The following FSTL4 variants were observed in gnomAD, a reference collection of about 807,000 sequenced individuals.
FSTL4 encodes follistatin-related protein 4.
Under a neutral mutation model 78.2 loss-of-function variants are expected in FSTL4, and 28 were observed. The ratio of observed to expected loss-of-function variants is 0.36; its 90% CI spans 0.27 to 0.49. The LOEUF (loss-of-function observed/expected upper bound fraction) is 0.49, where lower values mean the gene tolerates loss of function less well. Among genes scored for constraint, FSTL4 ranks in the 20% least tolerant of loss-of-function variants. The pLI, the probability that FSTL4 is intolerant of heterozygous loss-of-function variation, is 0.98. For missense variants in FSTL4, 922 were observed against 1,084.9 expected (o/e 0.85, Z 2.11); for synonymous variants, 422 against 440.5 (o/e 0.96, Z 0.53).
chr5:133,746,785 A>G, the FSTL4 span, among the ~76,000 whole-genome samples: 1 of 152,236 alleles, frequency 6.6e-6, no homozygotes, highest in African/African-American at 2.4e-5. Context: ...CTAATTGTCT[A>G]AATGTTTTTG....
the FSTL4 span, among the ~76,000 whole-genome samples, chr5:133,698,258 G>C: frequency 6.6e-6 from 1 of 152,266 alleles, no homozygotes; most frequent in African/African-American, 2.4e-5. Context: ...CAGAAGCCAG[G>C]GGCTGCCAGA....
the FSTL4 span, among the ~76,000 whole-genome samples, chr5:133,803,928 T>C: frequency 6.6e-6 from 1 of 152,270 alleles, no homozygotes; most frequent in South Asian, 2.1e-4. Flanking sequence ...GATTTTCAGG[T>C]GGAAGCTATG....
At chr5:133,211,380 T>A (rs1312969269) in intron 13 of FSTL4, among the ~76,000 whole-genome samples, 1 of 152,194 alleles carries the variant, frequency 6.6e-6, no homozygotes, top group Non-Finnish European at 1.5e-5. Flanking sequence ...GTTTGGTGCC[T>A]TCAATCCACA....
At chr5:133,218,594 C>T (rs1048697931) in intron 12 of FSTL4, among the ~76,000 whole-genome samples, 3 of 152,198 alleles carry the variant, frequency 2.0e-5, no homozygotes, top group Admixed American at 2.0e-4. Context: ...ATGCCATGGG[C>T]GTGCTCAGCA....
chr5:133,331,490 G>A (rs568728042), intron 4 of FSTL4, among the ~76,000 whole-genome samples: 10 of 152,244 alleles, frequency 6.6e-5, no homozygotes, highest in African/African-American at 2.2e-4. Flanking sequence ...ATTCACCTGC[G>A]GAAGGGGCTC....
chr5:133,211,510 T>C (rs1750713506), intron 13 of FSTL4, among the ~76,000 whole-genome samples: 1 of 152,194 alleles, frequency 6.6e-6, no homozygotes, highest in Non-Finnish European at 1.5e-5. Context: ...TATTCTAGTA[T>C]TCTAGTCTCT....
At chr5:133,428,448 C>A (rs1366014473) in intron 3 of FSTL4, among the ~76,000 whole-genome samples, 1 of 152,142 alleles carries the variant, frequency 6.6e-6, no homozygotes. Context: ...GTGGAGGGTA[C>A]CCTGTCCAGA....
chr5:133,493,159 A>G (rs1758304053), intron 3 of FSTL4, among the ~76,000 whole-genome samples: 1 of 152,032 alleles, frequency 6.6e-6, no homozygotes, highest in Admixed American at 6.5e-5. Flanking sequence ...ATTGTGTTTT[A>G]TTACGTGAAG....
intron 13 of FSTL4, among the ~76,000 whole-genome samples, 171 bp from the exon 14 acceptor site, chr5:133,210,469 C>CATTATT (rs72224529): frequency 0.018 from 2,600 of 145,476 alleles, 25 homozygotes; most frequent in Non-Finnish European, 0.028. Flanking sequence ...TTCTCAGAGG[C>CATTATT]ATTATTATTA....
chr5:133,214,191 A>G (rs1267086114), intron 13 of FSTL4, among the ~76,000 whole-genome samples: 1 of 152,258 alleles, frequency 6.6e-6, no homozygotes, highest in East Asian at 1.9e-4. Flanking sequence ...ATTGACACAT[A>G]TATAGAATAC....
chr5:133,704,706 C>T, the FSTL4 span, among the ~76,000 whole-genome samples: 1 of 152,204 alleles, frequency 6.6e-6, no homozygotes, highest in Non-Finnish European at 1.5e-5. Flanking sequence ...GCAGCGTGGG[C>T]TTCACTCCAC....
chr5:133,819,288 G>T, the FSTL4 span, among the ~76,000 whole-genome samples: 15 of 152,184 alleles, frequency 9.9e-5, no homozygotes, highest in Admixed American at 3.3e-4. Flanking sequence ...GCTTTTGGGT[G>T]CAGGGCCCTT....
At chr5:133,570,583 T>A (rs930775090) in intron 2 of FSTL4, among the ~76,000 whole-genome samples, 3 of 152,224 alleles carry the variant, frequency 2.0e-5, no homozygotes, top group African/African-American at 7.2e-5. Context: ...GCACACAGCA[T>A]TCCAACTTTA....
intron 3 of FSTL4, among the ~76,000 whole-genome samples, chr5:133,411,076 A>G (rs908615021): frequency 1.3e-5 from 2 of 152,126 alleles, no homozygotes; most frequent in African/African-American, 4.8e-5. Context: ...AGGGGTCTCC[A>G]CTGGGGCCTG....
At position 133,229,970 on chromosome 5, in the gene FSTL4, T is replaced by C. The variant is rs1158969573; in HGVS notation, c.1015+3447A>G. Among the ~76,000 whole-genome samples, 11 of 152,014 alleles carry C rather than the reference T, an allele frequency of 7.2e-5. No individual in the cohort carries two copies. The East Asian group carries it at 2.1e-3, about 29-fold the overall frequency. On this transcript the variant is annotated intron_variant, in intron 8 of 15. Transcript: ENST00000265342. ...GCACAGGGACAGTGGTCCCAGAAAA[T>C]TGTCAGAATAGGGAACAGACTCCAC...
At chr5:133,228,102 CT>C (rs780702754) in intron 8 of FSTL4, among the ~76,000 whole-genome samples, 4 of 152,126 alleles carry the variant, frequency 2.6e-5, no homozygotes, top group African/African-American at 4.8e-5. Flanking sequence ...TGGCACACAC[CT>C]CTGGTCCCAG....
chr5:133,416,486 T>C (rs931734726), intron 3 of FSTL4, among the ~76,000 whole-genome samples: 1 of 152,234 alleles, frequency 6.6e-6, no homozygotes, highest in Non-Finnish European at 1.5e-5. Context: ...AACAACAGGA[T>C]ATTTACATAG....
intron 3 of FSTL4, among the ~76,000 whole-genome samples, chr5:133,551,733 C>G (rs975423495): frequency 6.6e-6 from 1 of 152,106 alleles, no homozygotes; most frequent in Non-Finnish European, 1.5e-5. Flanking sequence ...ACCCAGTGGA[C>G]CAAATATATA....
the FSTL4 span, among the ~76,000 whole-genome samples, chr5:133,790,657 C>G: frequency 1.3e-5 from 2 of 152,160 alleles, no homozygotes; most frequent in East Asian, 1.9e-4. Context: ...AGGATCATCA[C>G]GTGTAAAACA....
Sources: gnomAD v4.1 joint callset for allele counts (sites outside exome capture counted in the v4.1 genomes callset) on GRCh38, gnomAD v4.1.1 for gene constraint, MANE v1.5 for transcripts, NCBI Gene and HGNC (gene_info 2026-07-23, HGNC 2026-07-21) for gene names.